The following KCNH8 variants were observed in gnomAD, a reference collection of about 807,000 sequenced individuals.
The protein encoded by KCNH8 is potassium voltage-gated channel subfamily H member 8, also known as voltage-gated delayed rectifier potassium channel KCNH8.
A neutral mutation model predicts 103.6 loss-of-function variants in KCNH8; 70 were observed. The observed-to-expected ratio is 0.68, with a 90% confidence interval of 0.56 to 0.82. KCNH8 has a LOEUF of 0.82. KCNH8 is among the 40% of genes least tolerant of loss of function. KCNH8 has a pLI of 0.00. For synonymous variants in KCNH8, 498 were observed against 489.4 expected, an observed-to-expected ratio of 1.02 and a Z score of -0.23; for missense variants, 1,217 against 1,329.9, an observed-to-expected ratio of 0.92 and a Z score of 1.32.
At chr3:19,233,484 C>T (rs1029426160) in intron 1 of KCNH8, among the ~76,000 whole-genome samples, 1 of 151,932 alleles carries the variant, frequency 6.6e-6, no homozygotes, top group South Asian at 2.1e-4. Context: ...AATATTCTTT[C>T]ATGAATGGAT....
chr3:19,173,972 T>C (rs1008539518), intron 1 of KCNH8, among the ~76,000 whole-genome samples: 19 of 150,410 alleles, frequency 1.3e-4, no homozygotes, highest in African/African-American at 4.7e-4. Flanking sequence ...ATCTAGTATC[T>C]GTGTGTTATA....
intron 5 of KCNH8, among the ~76,000 whole-genome samples, chr3:19,350,811 C>T (rs747256392): frequency 7.2e-5 from 11 of 152,120 alleles, no homozygotes; most frequent in Non-Finnish European, 1.3e-4. Context: ...TTCTAAAAAT[C>T]AGAGCACCTC....
At position 19,281,273 on chromosome 3, in the gene KCNH8, C is replaced by T. The variant is rs373684361; in HGVS notation, c.386C>T (p.Ser129Leu). Residue 129 changes from serine to leucine, a missense_variant, in exon 3 of 16, where the codon TCG (serine) becomes TTG (leucine). By Grantham distance (145) the Ser-to-Leu change is moderately radical. Around this residue, in one of 3 missense-constraint regions of KCNH8, gnomAD observed 244 missense variants for 256.8 expected, o/e 0.95. Transcript: ENST00000328405. ...GGAGATGTAGTACTTTTTCTGGCCT[C>T]GTTCAAAGATATAACAGATACAAAA... ...EKGDVVLFLA[S>L]FKDITDTKVK... is the part of the protein sequence containing the mutation. The T allele has an allele frequency of 3.1e-6, 5 of 1,610,766 alleles. No individual in the cohort carries two copies. In the African/African-American group the frequency reaches 4.0e-5, roughly 13 times the overall value.
intron 11 of KCNH8, among the ~76,000 whole-genome samples, chr3:19,484,054 T>A (rs1403008155): frequency 6.6e-6 from 1 of 152,226 alleles, no homozygotes; most frequent in African/African-American, 2.4e-5. Context: ...TTATTGCTAT[T>A]AATGACAGCA....
intron 11 of KCNH8, among the ~76,000 whole-genome samples, chr3:19,500,774 C>G (rs138479085): frequency 5.8e-4 from 88 of 152,086 alleles, no homozygotes; most frequent in African/African-American, 1.9e-3. Context: ...GGGACACATT[C>G]AAAGTTGTGT....
chr3:19,442,356 C>A (rs114084199), intron 8 of KCNH8, among the ~76,000 whole-genome samples: 108 of 152,208 alleles, frequency 7.1e-4, no homozygotes, highest in African/African-American at 2.5e-3. Context: ...TTGGGAAATG[C>A]TCAAAGCCTA....
intron 14 of KCNH8, among the ~76,000 whole-genome samples, chr3:19,517,233 A>T (rs1024941133): frequency 2.0e-5 from 3 of 152,072 alleles, no homozygotes; most frequent in Admixed American, 6.6e-5. Flanking sequence ...ACCTTCAATC[A>T]TTCGTTGAAT....
At chr3:19,252,317 A>G (rs1211389394) in intron 1 of KCNH8, among the ~76,000 whole-genome samples, 4 of 152,238 alleles carry the variant, frequency 2.6e-5, no homozygotes, top group African/African-American at 9.6e-5. Flanking sequence ...TAATTACTTA[A>G]TAATTTACTA....
chr3:19,392,519 C>T (rs1237734546), intron 6 of KCNH8, among the ~76,000 whole-genome samples: 3 of 151,812 alleles, frequency 2.0e-5, no homozygotes, highest in Admixed American at 6.6e-5. Context: ...GTTTTCTTCT[C>T]AGGAAAACAT....
intron 1 of KCNH8, among the ~76,000 whole-genome samples, chr3:19,242,480 G>C (rs2125245756): frequency 6.6e-6 from 1 of 152,222 alleles, no homozygotes; most frequent in South Asian, 2.1e-4. Context: ...ATAGTTCTAT[G>C]AACTAAGCTA....
At chr3:19,320,987 A>G (rs1159303648) in intron 3 of KCNH8, among the ~76,000 whole-genome samples, 1 of 151,928 alleles carries the variant, frequency 6.6e-6, no homozygotes, top group Non-Finnish European at 1.5e-5. Context: ...TATTCATAGT[A>G]GCCTTGAATG....
At chr3:19,320,374 G>C (rs2065333691) in intron 3 of KCNH8, among the ~76,000 whole-genome samples, 1 of 152,024 alleles carries the variant, frequency 6.6e-6, no homozygotes, top group Non-Finnish European at 1.5e-5. Flanking sequence ...ATAAAGGGAT[G>C]CTGGATTTTG....
intron 11 of KCNH8, among the ~76,000 whole-genome samples, chr3:19,492,812 G>A (rs920249737): frequency 1.3e-5 from 2 of 149,300 alleles, no homozygotes; most frequent in African/African-American, 2.5e-5. Context: ...TCTAGTCCTT[G>A]AGCATGGAAT....
chr3:19,501,971 G>A (rs1317530575), intron 11 of KCNH8, among the ~76,000 whole-genome samples: 3 of 152,064 alleles, frequency 2.0e-5, no homozygotes, highest in East Asian at 1.9e-4. Flanking sequence ...AGGAAAAGAG[G>A]AAGTCAAATT....
At position 19,276,717 on chromosome 3, in the gene KCNH8, C is replaced by G. The variant is rs1227664535; in HGVS notation, c.311-4481C>G. Among the ~76,000 whole-genome samples, 4 of 151,994 alleles carry G rather than the reference C, an allele frequency of 2.6e-5. No homozygotes were observed. The East Asian group carries it at 7.7e-4, about 29-fold the overall frequency. ...ATCTATTGACAAATATATTTTAGTG[C>G]TGTCTGGAAAGCATATGAGTTCTCT... On this transcript the variant is annotated intron_variant, in intron 2 of 15. Transcript: ENST00000328405.
At chr3:19,321,387 A>AT (rs2065347922) in intron 3 of KCNH8, among the ~76,000 whole-genome samples, 1 of 151,620 alleles carries the variant, frequency 6.6e-6, no homozygotes, top group Non-Finnish European at 1.5e-5. Context: ...TTGTGTCACT[A>AT]TTTTTCAGTT....
At chr3:19,307,494 A>G (rs913136044) in intron 3 of KCNH8, among the ~76,000 whole-genome samples, 1 of 151,964 alleles carries the variant, frequency 6.6e-6, no homozygotes, top group Non-Finnish European at 1.5e-5. Flanking sequence ...TTCTTCAAAA[A>G]TCTGCAAAAA....
intron 5 of KCNH8, among the ~76,000 whole-genome samples, chr3:19,385,384 A>G (rs1177950836): frequency 6.6e-6 from 1 of 152,156 alleles, no homozygotes; most frequent in Non-Finnish European, 1.5e-5. Context: ...CTAATGATGA[A>G]CATAGCCAAC....
At chr3:19,323,018 G>T (rs2065370619) in intron 3 of KCNH8, among the ~76,000 whole-genome samples, 1 of 152,180 alleles carries the variant, frequency 6.6e-6, no homozygotes, top group Non-Finnish European at 1.5e-5. Flanking sequence ...TTCTCTAAGT[G>T]TGTCTTTCAT....
Sources: allele counts gnomAD v4.1 joint callset (sites outside exome capture counted in the v4.1 genomes callset), GRCh38; gene constraint gnomAD v4.1.1; regional missense constraint gnomAD v4.1.1; transcripts MANE v1.5; gene names NCBI Gene and HGNC (gene_info 2026-07-23, HGNC 2026-07-21).